Variants in AHCTF1 observed in about 807,000 individuals in gnomAD.
AHCTF1 encodes the protein protein ELYS.
Under a neutral mutation model 248.4 loss-of-function variants are expected in AHCTF1, and 24 were observed. The ratio of observed to expected loss-of-function variants is 0.10; its 90% CI spans 0.07 to 0.14. The LOEUF (loss-of-function observed/expected upper bound fraction) is 0.14. AHCTF1 is among the 10% of genes least tolerant of loss of function. The probability of loss-of-function intolerance (pLI) is 1.00; values close to 1 mark genes in which losing one functional copy is unlikely to be tolerated. For synonymous variants in AHCTF1, 786 were observed against 929.8 expected (o/e 0.85, Z 2.81); for missense variants, 2,206 against 2,636.2 (o/e 0.84, Z 3.57).
chr1:246,859,422 G>C (rs1236279359), intron 29 of AHCTF1, among the ~76,000 whole-genome samples: 1 of 152,126 alleles, frequency 6.6e-6, no homozygotes, highest in Admixed American at 6.5e-5. Context: ...GTGTTTGTCA[G>C]TATAGTCCAC....
intron 4 of AHCTF1, among the ~76,000 whole-genome samples, chr1:246,911,509 G>T (rs2103208812): frequency 8.3e-5 from 10 of 120,854 alleles, no homozygotes; most frequent in South Asian, 2.7e-4. Flanking sequence ...TTGAGATGGA[G>T]TTTCACTCTT....
intron 17 of AHCTF1, among the ~76,000 whole-genome samples, chr1:246,889,018 A>G (rs1227616755): frequency 2.0e-5 from 3 of 152,218 alleles, no homozygotes; most frequent in African/African-American, 7.2e-5. Context: ...TCAGTCATCA[A>G]CAAGCCAGTC....
In AHCTF1 at chr1:246,916,475, CTA is replaced by C. The variant is rs1666155727; in HGVS notation, c.122-82_122-81del. The C allele has an allele frequency of 2.4e-6, 3 of 1,259,296 alleles. No individual in the cohort carries two copies. The Admixed American group carries it at 6.8e-5, about 29-fold the overall frequency. The allele number at this position is 1,259,296 out of a possible 1,614,324, so 78.0% of individuals were successfully genotyped here. Reference sequence around the variant, plus strand: ...TAACGGTTAGCTCATTTACATACAACTATATGTTCATTACATAAAACTTTACA... The same window carrying C: ...TAACGGTTAGCTCATTTACATACAACTATGTTCATTACATAAAACTTTACA... On this transcript the variant is annotated intron_variant, in intron 2 of 35. Transcript: ENST00000648844.
intron 23 of AHCTF1, among the ~76,000 whole-genome samples, chr1:246,876,405 T>C (rs913799796): frequency 6.6e-6 from 1 of 152,204 alleles, no homozygotes; most frequent in African/African-American, 2.4e-5. Flanking sequence ...GCCTTGATTC[T>C]TCACAATTAA....
intron 1 of AHCTF1, among the ~76,000 whole-genome samples, chr1:246,922,906 C>A (rs1322700338): frequency 1.3e-5 from 2 of 148,832 alleles, no homozygotes; most frequent in African/African-American, 2.5e-5. Context: ...TGGCATGAAC[C>A]CAGGAGGCGG....
chr1:246,921,277 C>T (rs189341214), intron 1 of AHCTF1, among the ~76,000 whole-genome samples: 1 of 151,998 alleles, frequency 6.6e-6, no homozygotes, highest in Admixed American at 6.6e-5. Flanking sequence ...AGAGAGAAAG[C>T]GGAAGAATAT....
chr1:246,847,692 GT>G (rs934080368), intron 33 of AHCTF1, among the ~76,000 whole-genome samples: 113 of 152,162 alleles, frequency 7.4e-4, no homozygotes, highest in African/African-American at 2.4e-3. Flanking sequence ...TAGAGATGGG[GT>G]TTTTTTGGCC....
At chr1:246,897,310 T>C (rs1401124127) in intron 12 of AHCTF1, among the ~76,000 whole-genome samples, 1 of 151,854 alleles carries the variant, frequency 6.6e-6, no homozygotes, top group African/African-American at 2.4e-5. Context: ...CGAGATGCTG[T>C]CTCAAAAAAA....
At chr1:246,867,438 C>T (rs143918265) in intron 25 of AHCTF1, 87 bp from the exon 26 acceptor site, 117 of 1,036,778 alleles carry the variant, frequency 1.1e-4, no homozygotes, top group Non-Finnish European at 1.5e-4. Context: ...GGTTTTCATT[C>T]GTTTTACTTT....
intron 23 of AHCTF1, 115 bp from the exon 24 acceptor site, chr1:246,876,302 A>G (rs1662961414): frequency 1.1e-6 from 1 of 897,978 alleles, no homozygotes; most frequent in Admixed American, 3.5e-5. Flanking sequence ...CCCCCTACCT[A>G]CATATCCATT....
At chr1:246,906,643 T>C (rs1482491561) in intron 5 of AHCTF1, among the ~76,000 whole-genome samples, 3 of 152,018 alleles carry the variant, frequency 2.0e-5, no homozygotes, top group Non-Finnish European at 4.4e-5. Context: ...TGAGATACAC[T>C]TCCTATAAGA....
At position 246,918,140 on chromosome 1, in the gene AHCTF1, C is replaced by G. The variant is rs1666275533; in HGVS notation, c.121+110G>C. 8 of 1,016,048 alleles carry G rather than the reference C, an allele frequency of 7.9e-6. No homozygotes were observed. The South Asian group carries it at 2.7e-4, about 35-fold the overall frequency. 62.9% of individuals were successfully genotyped at this position (1,016,048 alleles called of 1,614,324 possible). A position where few individuals can be genotyped will look rare whatever the true frequency, so the allele number is the denominator to read the frequency against. On this transcript the variant is annotated intron_variant, in intron 2 of 35. Coordinates refer to ENST00000648844, the MANE Select transcript of AHCTF1 (RefSeq NM_001323342.2). ...TGTAGATGTTACATATTTAAGATCACTCAGGTTCTGCTTTTTCTTCTTCCA... is the reference window on the plus strand; with the variant it reads ...TGTAGATGTTACATATTTAAGATCAGTCAGGTTCTGCTTTTTCTTCTTCCA...
At chr1:246,920,000 G>A (rs560503025) in intron 1 of AHCTF1, among the ~76,000 whole-genome samples, 85 of 151,192 alleles carry the variant, frequency 5.6e-4, no homozygotes, top group Non-Finnish European at 9.0e-4. Flanking sequence ...TAAATTAGCC[G>A]GGCGTGGAGG....
chr1:246,878,396 C>CAAAAAAAAAAAAAA (rs1199465751), intron 21 of AHCTF1, among the ~76,000 whole-genome samples: 2 of 30,784 alleles, frequency 6.5e-5, no homozygotes, highest in Non-Finnish European at 1.2e-4. Context: ...GATTCTGTCT[C>CAAAAAAAAAAAAAA]AAAAAAAAAA....
At chr1:246,914,339 G>T (rs1343608908) in intron 3 of AHCTF1, among the ~76,000 whole-genome samples, 1 of 152,190 alleles carries the variant, frequency 6.6e-6, no homozygotes, top group Admixed American at 6.5e-5. Flanking sequence ...CTGTACTGAT[G>T]AATGTTCTGG....
chr1:246,858,085 G>A (rs932365689), intron 29 of AHCTF1, among the ~76,000 whole-genome samples: 3 of 150,946 alleles, frequency 2.0e-5, no homozygotes, highest in Non-Finnish European at 2.9e-5. Flanking sequence ...TCCGCCCCCC[G>A]AGTAGCTGGC....
intron 3 of AHCTF1, among the ~76,000 whole-genome samples, chr1:246,914,270 A>G (rs1005604243): frequency 5.3e-5 from 8 of 152,252 alleles, no homozygotes; most frequent in Non-Finnish European, 1.2e-4. Context: ...ATCCAAATCC[A>G]AAAGTCCAAA....
chr1:246,910,542 T>C (rs1272366093), intron 4 of AHCTF1, among the ~76,000 whole-genome samples: 2 of 152,196 alleles, frequency 1.3e-5, no homozygotes, highest in Non-Finnish European at 2.9e-5. Flanking sequence ...ATATAGCAAA[T>C]GTTGAAAATT....
At position 246,850,285 on chromosome 1, in the gene AHCTF1, T is replaced by C; in HGVS notation, c.5721A>G (p.Arg1907=). ...TTTCAGAAGCATCTAAATTAGTACT[T>C]CTCAATTTTCTGATCATTCTGCTAG... ...TSPSRMIRKL[R]STNLDASENT... The change falls in exon 33 of 36, where the codon AGA becomes AGG. Residue 1907 remains arginine (R), a synonymous_variant. Transcript: ENST00000648844. 6.2e-7 allele frequency: 1 copy of C among 1,613,948 alleles called. No individual in the cohort carries two copies. The highest frequency in any genetic ancestry group is 8.5e-7 in the Non-Finnish European group (1 of 1,179,858).
Sources: gnomAD v4.1 joint callset for allele counts (sites outside exome capture counted in the v4.1 genomes callset) on GRCh38, gnomAD v4.1.1 for gene constraint, MANE v1.5 for transcripts, NCBI Gene and HGNC (gene_info 2026-07-23, HGNC 2026-07-21) for gene names.